The following KCNIP1 variants were observed in gnomAD, a reference collection of about 807,000 sequenced individuals.
The protein encoded by KCNIP1 is potassium voltage-gated channel interacting protein 1, also known as A-type potassium channel modulatory protein KCNIP1.
Under a neutral mutation model 33.0 loss-of-function variants are expected in KCNIP1, and 18 were observed. The ratio of observed to expected loss-of-function variants is 0.55; its 90% confidence interval spans 0.38 to 0.81. The LOEUF (loss-of-function observed/expected upper bound fraction) is 0.81. Ranked by LOEUF, KCNIP1 falls within the 30% of genes least tolerant of loss-of-function variation. The pLI, the probability that KCNIP1 is intolerant of heterozygous loss-of-function variation, is 0.00. For missense variants in KCNIP1, 238 were observed against 271.6 expected (o/e 0.88, Z 0.87); for synonymous variants, 93 against 98.3 (o/e 0.95, Z 0.32).
At chr5:170,531,440 G>A (rs2113346078) in intron 1 of KCNIP1, among the ~76,000 whole-genome samples, 1 of 152,292 alleles carries the variant, frequency 6.6e-6, no homozygotes, top group East Asian at 1.9e-4. Context: ...GGACGCTTAA[G>A]CCTCCAGCAA....
At chr5:170,471,268 A>C (rs1756720115) in intron 1 of KCNIP1, among the ~76,000 whole-genome samples, 1 of 152,030 alleles carries the variant, frequency 6.6e-6, no homozygotes, top group South Asian at 2.1e-4. Context: ...GTGTTCATTC[A>C]TTTTCTGTAC....
At chr5:170,535,409 G>A (rs1755948801) in intron 1 of KCNIP1, among the ~76,000 whole-genome samples, 1 of 152,198 alleles carries the variant, frequency 6.6e-6, no homozygotes, top group Admixed American at 6.5e-5. Context: ...CTGCAGGATA[G>A]CAGAAGCCAG....
At chr5:170,389,001 G>A (rs1764598879) in intron 1 of KCNIP1, among the ~76,000 whole-genome samples, 1 of 152,150 alleles carries the variant, frequency 6.6e-6, no homozygotes. Context: ...TAATCTCCAG[G>A]CTGCAGCCTT....
chr5:170,357,807 A>T (rs1365391561), intron 1 of KCNIP1, among the ~76,000 whole-genome samples: 1 of 152,188 alleles, frequency 6.6e-6, no homozygotes, highest in Non-Finnish European at 1.5e-5. Flanking sequence ...GATTACAGGC[A>T]TGAGCCACCA....
At chr5:170,531,156 G>C (rs966261655) in intron 1 of KCNIP1, among the ~76,000 whole-genome samples, 4 of 152,180 alleles carry the variant, frequency 2.6e-5, no homozygotes, top group African/African-American at 9.7e-5. Context: ...GGACTATAAA[G>C]AGAATCAGTT....
At chr5:170,657,649 T>TC (rs1761323926) in intron 1 of KCNIP1, among the ~76,000 whole-genome samples, 1 of 152,160 alleles carries the variant, frequency 6.6e-6, no homozygotes, top group African/African-American at 2.4e-5. Context: ...CCCTAAGATC[T>TC]GCAACTGTTG....
chr5:170,381,761 G>C (rs1011847792), intron 1 of KCNIP1, among the ~76,000 whole-genome samples: 1 of 152,188 alleles, frequency 6.6e-6, no homozygotes, highest in African/African-American at 2.4e-5. Context: ...CTGAAAACCA[G>C]CCTGCTCTGG....
intron 1 of KCNIP1, among the ~76,000 whole-genome samples, chr5:170,368,104 T>C (rs1763743869): frequency 6.6e-6 from 1 of 152,140 alleles, no homozygotes; most frequent in Admixed American, 6.5e-5. Flanking sequence ...TCGTATCAAG[T>C]AGGAAGCCAG....
intron 1 of KCNIP1, among the ~76,000 whole-genome samples, chr5:170,417,166 T>C (rs950725021): frequency 1.3e-5 from 2 of 152,236 alleles, no homozygotes; most frequent in Admixed American, 6.5e-5. Flanking sequence ...TCTGTTTGTA[T>C]GTACCAACAT....
intron 1 of KCNIP1, among the ~76,000 whole-genome samples, chr5:170,547,535 C>T (rs1756460476): frequency 6.6e-6 from 1 of 152,182 alleles, no homozygotes; most frequent in Admixed American, 6.6e-5. Flanking sequence ...TCCTCCCACC[C>T]TCTGGTGGGC....
At chr5:170,716,845 C>A (rs1258945360) in intron 1 of KCNIP1, among the ~76,000 whole-genome samples, 1 of 152,148 alleles carries the variant, frequency 6.6e-6, no homozygotes, top group Non-Finnish European at 1.5e-5. Flanking sequence ...AAGTGTACTG[C>A]AAAAAACCCT....
rs556910304 is a variant in KCNIP1 at position 170,568,245 on chromosome 5, T to G, written c.61+63612T>G. Among the ~76,000 whole-genome samples, 4 of 152,342 alleles carry G rather than the reference T, an allele frequency of 2.6e-5. No individual in the cohort carries two copies. The East Asian group carries it at 7.7e-4, about 29-fold the overall frequency. ...GTGCATATCTGCTGCAGCAGAATCC[T>G]TCATGCATCCAGCAAACATTTCCTG... is the stretch of plus-strand genomic sequence containing the variant. On this transcript the variant is annotated intron_variant, in intron 1 of 7. Transcript: ENST00000328939.
chr5:170,378,784 A>G, intron 1 of KCNIP1: 1 of 1,614,244 alleles, frequency 6.2e-7, no homozygotes, highest in Non-Finnish European at 8.5e-7. Context: ...GTCAGCAGGA[A>G]GGTGGGCCAG....
At chr5:170,509,660 G>GAATGAATGAATATGTCCATA (rs1754859204) in intron 1 of KCNIP1, among the ~76,000 whole-genome samples, 2 of 152,196 alleles carry the variant, frequency 1.3e-5, no homozygotes, top group Non-Finnish European at 2.9e-5. Context: ...ATGACCACAT[G>GAATGAATGAATATGTCCATA]AATGAATGAA....
intron 1 of KCNIP1, among the ~76,000 whole-genome samples, chr5:170,606,010 G>A (rs1316865628): frequency 6.6e-6 from 1 of 152,094 alleles, no homozygotes; most frequent in Non-Finnish European, 1.5e-5. Flanking sequence ...CCTGACCTCA[G>A]GTGATCTGCC....
chr5:170,434,760 G>C (rs1755822147), intron 1 of KCNIP1, among the ~76,000 whole-genome samples: 1 of 152,158 alleles, frequency 6.6e-6, no homozygotes, highest in African/African-American at 2.4e-5. Context: ...TTTGAGACCA[G>C]CCTGGTCAAC....
At chr5:170,509,314 C>T (rs749266820) in intron 1 of KCNIP1, among the ~76,000 whole-genome samples, 2 of 152,146 alleles carry the variant, frequency 1.3e-5, no homozygotes, top group African/African-American at 2.4e-5. Context: ...AGTTCTGGTC[C>T]CTCAATCCCA....
intron 1 of KCNIP1, chr5:170,383,891 C>G (rs759656350): frequency 7.5e-6 from 12 of 1,600,258 alleles, no homozygotes; most frequent in Non-Finnish European, 1.0e-5. Context: ...CATCTCAGAA[C>G]TGGGTGACAC....
rs41275257 is a variant in KCNIP1 at position 170,733,690 on chromosome 5, C to T, written c.541-146C>T. 2,592 of 641,742 alleles carry T rather than the reference C, an allele frequency of 4.0e-3. 11 individuals are homozygous for T. The highest frequency in any genetic ancestry group is 4.9e-3 in the Non-Finnish European group (1,783 of 364,468). The allele number at this position is 641,742 out of a possible 1,614,324, so 39.8% of individuals were successfully genotyped here. A position where few individuals can be genotyped will look rare whatever the true frequency, so the allele number is the denominator to read the frequency against. ...GAGTTGTCTGGCCAGTGAAAGACAA[C>T]TCTCATTCTCAGGGCAAAGTTGGTT... On this transcript the variant is annotated intron_variant, in intron 6 of 7. Coordinates refer to ENST00000328939, the MANE Select transcript of KCNIP1 (RefSeq NM_014592.4).
Sources: allele counts gnomAD v4.1 joint callset (sites outside exome capture counted in the v4.1 genomes callset), GRCh38; gene constraint gnomAD v4.1.1; transcripts MANE v1.5; gene names NCBI Gene and HGNC (gene_info 2026-07-23, HGNC 2026-07-21).